The following PTPRD variants were observed in gnomAD, a reference collection of about 807,000 sequenced individuals.
PTPRD encodes protein tyrosine phosphatase receptor type D.
Under a neutral mutation model 214.5 loss-of-function variants are expected in PTPRD, and 34 were observed. That is an observed-to-expected ratio of 0.16 (90% CI 0.12 to 0.21). The LOEUF is 0.21. Among genes scored for constraint, PTPRD ranks in the 10% least tolerant of loss-of-function variants. The pLI, the probability that PTPRD is intolerant of heterozygous loss-of-function variation, is 1.00. For missense variants in PTPRD, 2,545 were observed against 2,398.7 expected, an observed-to-expected ratio of 1.06 and a Z score of -1.27; for synonymous variants, 1,128 against 845.7, an observed-to-expected ratio of 1.33 and a Z score of -5.79.
At chr9:8,762,580 T>C (rs1320563383) in intron 11 of PTPRD, among the ~76,000 whole-genome samples, 1 of 152,168 alleles carries the variant, frequency 6.6e-6, no homozygotes, top group South Asian at 2.1e-4. Context: ...TAACCTATCA[T>C]GTCACCAGAT....
chr9:9,181,496 A>C (rs1250226001), intron 10 of PTPRD, among the ~76,000 whole-genome samples: 1 of 151,986 alleles, frequency 6.6e-6, no homozygotes, highest in Non-Finnish European at 1.5e-5. Flanking sequence ...TAACAATAAT[A>C]ACATCTACAA....
chr9:8,940,864 C>T (rs900083990), intron 11 of PTPRD, among the ~76,000 whole-genome samples: 2 of 149,528 alleles, frequency 1.3e-5, no homozygotes, highest in Non-Finnish European at 3.0e-5. Flanking sequence ...ATGATGTTCA[C>T]AAGGCCAACC....
At chr9:8,536,780 T>C (rs1238479416) in intron 14 of PTPRD, among the ~76,000 whole-genome samples, 1 of 152,016 alleles carries the variant, frequency 6.6e-6, no homozygotes. Context: ...CCTATGACTT[T>C]GGGCCACAAG....
intron 3 of PTPRD, among the ~76,000 whole-genome samples, chr9:10,256,996 A>G (rs1459358412): frequency 6.6e-6 from 1 of 152,196 alleles, no homozygotes; most frequent in African/African-American, 2.4e-5. Context: ...AATACATTTC[A>G]GGCCATGGAG....
chr9:9,713,629 G>A (rs2097771933), intron 7 of PTPRD, among the ~76,000 whole-genome samples: 1 of 152,118 alleles, frequency 6.6e-6, no homozygotes, highest in Admixed American at 6.6e-5. Flanking sequence ...TTGAAAGGAT[G>A]GGTCGATTTA....
intron 37 of PTPRD, among the ~76,000 whole-genome samples, chr9:8,387,994 G>T (rs2087811931): frequency 6.6e-6 from 1 of 152,122 alleles, no homozygotes; most frequent in South Asian, 2.1e-4. Flanking sequence ...TGTCTTCAGT[G>T]TCATTTTTAT....
intron 11 of PTPRD, among the ~76,000 whole-genome samples, chr9:8,885,486 CTCTT>C (rs1337890657): frequency 7.4e-6 from 1 of 135,814 alleles, no homozygotes; most frequent in Admixed American, 8.8e-5. Flanking sequence ...ACCACACAGC[CTCTT>C]TTTTTTTTTT....
chr9:10,314,765 G>A (rs2096376387), intron 3 of PTPRD, among the ~76,000 whole-genome samples: 1 of 152,048 alleles, frequency 6.6e-6, no homozygotes, highest in Admixed American at 6.6e-5. Context: ...CTATCCACTA[G>A]CCACTATTGA....
intron 11 of PTPRD, among the ~76,000 whole-genome samples, chr9:8,841,084 T>C (rs2097548615): frequency 6.6e-6 from 1 of 152,204 alleles, no homozygotes; most frequent in African/African-American, 2.4e-5. Flanking sequence ...TAAATCTTTC[T>C]GGGGTAAAAT....
chr9:9,116,027 T>C (rs910553017), intron 10 of PTPRD, among the ~76,000 whole-genome samples: 1 of 151,918 alleles, frequency 6.6e-6, no homozygotes, highest in Non-Finnish European at 1.5e-5. Flanking sequence ...TGGATACACA[T>C]GGACATGAAG....
chr9:9,235,594 C>A (rs2099966129), intron 9 of PTPRD, among the ~76,000 whole-genome samples: 1 of 152,110 alleles, frequency 6.6e-6, no homozygotes. Flanking sequence ...TTTGCCCCTA[C>A]TGTTTCTGGT....
intron 8 of PTPRD, among the ~76,000 whole-genome samples, chr9:9,428,005 T>C (rs2081638230): frequency 6.6e-6 from 1 of 152,048 alleles, no homozygotes. Context: ...CTGAATCAAC[T>C]AAGGAGCAAA....
intron 10 of PTPRD, among the ~76,000 whole-genome samples, chr9:9,143,816 A>G (rs1488861329): frequency 6.6e-6 from 1 of 152,256 alleles, no homozygotes. Flanking sequence ...GGACAGTAAC[A>G]TAACCGATTA....
intron 43 of PTPRD, among the ~76,000 whole-genome samples, chr9:8,332,186 G>GGT (rs1842123539): frequency 6.6e-6 from 1 of 152,038 alleles, no homozygotes; most frequent in Non-Finnish European, 1.5e-5. Flanking sequence ...CAAGCACCTA[G>GGT]GCATGTCATC....
chr9:10,517,795 A>C (rs906398084), intron 2 of PTPRD, among the ~76,000 whole-genome samples: 5 of 152,136 alleles, frequency 3.3e-5, no homozygotes, highest in Non-Finnish European at 7.4e-5. Flanking sequence ...TTTAATAAAT[A>C]TATTTCTCCA....
chr9:9,645,465 A>G (rs2096125721), intron 7 of PTPRD, among the ~76,000 whole-genome samples: 1 of 140,836 alleles, frequency 7.1e-6, no homozygotes, highest in Non-Finnish European at 1.5e-5. Context: ...ATGTATATAT[A>G]TATATATATA....
intron 6 of PTPRD, among the ~76,000 whole-genome samples, chr9:9,744,418 A>C (rs765988836): frequency 7.9e-5 from 12 of 152,130 alleles, no homozygotes; most frequent in Non-Finnish European, 1.6e-4. Flanking sequence ...TTTACTCTGC[A>C]AGACTGAGTT....
intron 2 of PTPRD, among the ~76,000 whole-genome samples, chr9:10,610,542 G>A (rs931063312): frequency 2.6e-5 from 4 of 151,196 alleles, no homozygotes; most frequent in East Asian, 1.9e-4. Context: ...ATAGCCTCTC[G>A]GACATGTGAG....
In PTPRD at chr9:9,114,399, T is replaced by C. The variant is rs74647464; in HGVS notation, c.-143+68905A>G. On this transcript the variant is annotated intron_variant, in intron 10 of 45. Transcript: ENST00000381196. ...GGAAAGGCCCCTTACACTCGGAAAA[T>C]CCTATTCAGGGCTTGTACAACATGT... Among the ~76,000 whole-genome samples, 360 of 152,212 alleles carry C rather than the reference T, an allele frequency of 2.4e-3. 3 individuals carry two copies. Among genetic ancestry groups the C allele is most frequent in the African/African-American group, 8.2e-3 (341 of 41,544 alleles).
Sources: gnomAD v4.1 joint callset for allele counts (sites outside exome capture counted in the v4.1 genomes callset) on GRCh38, gnomAD v4.1.1 for gene constraint, MANE v1.5 for transcripts, NCBI Gene and HGNC (gene_info 2026-07-23, HGNC 2026-07-21) for gene names.